The following NRXN3 variants were observed in gnomAD, a reference collection of about 807,000 sequenced individuals.
The protein encoded by NRXN3 is neurexin III.
In NRXN3, 32 loss-of-function variants were observed where a neutral mutation model predicts 137.6. The observed-to-expected ratio is 0.23, with a 90% CI of 0.18 to 0.31. NRXN3 has a LOEUF of 0.31. Among genes scored for constraint, NRXN3 ranks in the 10% least tolerant of loss-of-function variants. The probability of loss-of-function intolerance (pLI) is 1.00; values close to 1 mark genes in which losing one functional copy is unlikely to be tolerated. For missense variants in NRXN3, 1,574 were observed against 2,062.5 expected (o/e 0.76, Z 4.59); for synonymous variants, 798 against 784.5 (o/e 1.02, Z -0.29).
intron 4 of NRXN3, among the ~76,000 whole-genome samples, chr14:78,457,910 G>T (rs969477855): frequency 6.6e-6 from 1 of 152,140 alleles, no homozygotes; most frequent in Non-Finnish European, 1.5e-5. Context: ...GATGTGGTAA[G>T]GGCCAGATGG....
chr14:78,848,565 A>T (rs2099034094), intron 10 of NRXN3, among the ~76,000 whole-genome samples: 1 of 152,126 alleles, frequency 6.6e-6, no homozygotes, highest in African/African-American at 2.4e-5. Flanking sequence ...TTGTACATGA[A>T]GTTATCGATG....
chr14:79,479,417 A>C (rs2096587399), intron 16 of NRXN3, among the ~76,000 whole-genome samples: 2 of 152,120 alleles, frequency 1.3e-5, no homozygotes, highest in South Asian at 4.1e-4. Context: ...CATTTGTTAA[A>C]GGTGTTAAGG....
chr14:78,383,317 A>T (rs376920035), intron 4 of NRXN3, among the ~76,000 whole-genome samples: 2 of 152,256 alleles, frequency 1.3e-5, no homozygotes, highest in African/African-American at 4.8e-5. Context: ...GGTGAACATG[A>T]GTAATGGGAA....
intron 1 of NRXN3, among the ~76,000 whole-genome samples, chr14:78,201,854 T>G (rs1166243796): frequency 6.6e-6 from 1 of 152,164 alleles, no homozygotes; most frequent in African/African-American, 2.4e-5. Context: ...TCTTCTCCGA[T>G]GACGCGCGTC....
chr14:78,600,005 G>A (rs1042797021), intron 4 of NRXN3, among the ~76,000 whole-genome samples: 1 of 152,150 alleles, frequency 6.6e-6, no homozygotes, highest in Admixed American at 6.5e-5. Context: ...GCTCACAGTT[G>A]GCAGAAGCAC....
rs534669695 is a variant in NRXN3 at position 78,363,836 on chromosome 14, G to A, written c.757+65976G>A. On this transcript the variant is annotated intron_variant, in intron 4 of 20. Transcript: ENST00000335750. ...CTAAGCTGCCCTCATGATTTTCCTG[G>A]AGGATAAAATGCTCATCAGATAAAA... Among the ~76,000 whole-genome samples the A allele has an allele frequency of 2.0e-5, 3 of 152,292 alleles. No homozygotes were observed. In the South Asian group the frequency reaches 6.2e-4, roughly 32 times the overall value.
intron 4 of NRXN3, among the ~76,000 whole-genome samples, chr14:78,555,285 G>A (rs1021878728): frequency 6.6e-6 from 1 of 152,038 alleles, no homozygotes; most frequent in Non-Finnish European, 1.5e-5. Flanking sequence ...TTCATACATT[G>A]GGTAGTACAG....
intron 3 of NRXN3, among the ~76,000 whole-genome samples, chr14:78,281,420 A>T (rs1328687659): frequency 6.6e-6 from 1 of 152,184 alleles, no homozygotes; most frequent in Admixed American, 6.5e-5. Flanking sequence ...TTAATTTTAC[A>T]TGTGGAGGAG....
chr14:79,009,041 A>G lies in NRXN3; in HGVS notation c.3262+20900A>G, dbSNP rs184392407. Among the ~76,000 whole-genome samples, 30 of 152,254 alleles carry G rather than the reference A, an allele frequency of 2.0e-4. No individual in the cohort carries two copies. In the East Asian group the frequency reaches 5.8e-3, roughly 29 times the overall value. ...AGAGATTTGAGGACCTAACCGTGAG[A>G]TAGTCCTGCCCTGTTCAGGTCTCCC... is the stretch of plus-strand genomic sequence containing the variant. On this transcript the variant is annotated intron_variant, in intron 15 of 20. Coordinates refer to ENST00000335750, the MANE Select transcript of NRXN3 (RefSeq NM_001330195.2).
At chr14:79,366,191 CATA>C (rs2093886981) in intron 15 of NRXN3, among the ~76,000 whole-genome samples, 1 of 151,832 alleles carries the variant, frequency 6.6e-6, no homozygotes, top group Admixed American at 6.6e-5. Context: ...ATTATGGGTA[CATA>C]ATAAGTATAT....
intron 20 of NRXN3, among the ~76,000 whole-genome samples, chr14:79,842,378 C>G (rs1387068684): frequency 6.6e-6 from 1 of 152,090 alleles, no homozygotes; most frequent in African/African-American, 2.4e-5. Flanking sequence ...ACGAGAAAGA[C>G]CTAGCCAAGC....
At chr14:79,267,998 T>G (rs891614315) in intron 15 of NRXN3, among the ~76,000 whole-genome samples, 2 of 152,226 alleles carry the variant, frequency 1.3e-5, no homozygotes, top group African/African-American at 4.8e-5. Context: ...GCCATTTAAA[T>G]TAGGTATAGC....
chr14:79,741,691 G>A (rs1329328828), intron 19 of NRXN3, among the ~76,000 whole-genome samples: 1 of 151,706 alleles, frequency 6.6e-6, no homozygotes. Context: ...TTGCTATGTT[G>A]GCCAGGCTGG....
intron 15 of NRXN3, among the ~76,000 whole-genome samples, chr14:79,074,268 T>G (rs1368338309): frequency 1.3e-5 from 2 of 152,236 alleles, no homozygotes; most frequent in Non-Finnish European, 2.9e-5. Flanking sequence ...TTGCCCAATG[T>G]ATTTCAAAGG....
chr14:79,585,801 C>G (rs2153816035), intron 16 of NRXN3, among the ~76,000 whole-genome samples: 1 of 150,282 alleles, frequency 6.7e-6, no homozygotes, highest in South Asian at 2.1e-4. Flanking sequence ...CACTTGATAA[C>G]ACAACCTGGA....
chr14:79,298,144 G>A (rs1043507816), intron 15 of NRXN3, among the ~76,000 whole-genome samples: 10 of 151,528 alleles, frequency 6.6e-5, no homozygotes, highest in South Asian at 2.1e-4. Flanking sequence ...TTTGTATTAC[G>A]CATAACAAAT....
At chr14:79,757,355 A>G (rs183395492) in intron 19 of NRXN3, among the ~76,000 whole-genome samples, 2 of 152,320 alleles carry the variant, frequency 1.3e-5, no homozygotes, top group East Asian at 1.9e-4. Context: ...TGGTACTGTT[A>G]TCATCGTCCT....
intron 15 of NRXN3, among the ~76,000 whole-genome samples, chr14:79,147,303 T>C (rs2059390487): frequency 6.6e-6 from 1 of 152,176 alleles, no homozygotes; most frequent in South Asian, 2.1e-4. Context: ...GTAATTTCTA[T>C]GTAAATTTTC....
intron 4 of NRXN3, among the ~76,000 whole-genome samples, chr14:78,603,421 A>C (rs911009567): frequency 3.3e-5 from 5 of 152,148 alleles, no homozygotes; most frequent in African/African-American, 1.2e-4. Context: ...CTGAGGGATA[A>C]ATTCCCTTTG....
Sources: allele counts gnomAD v4.1 joint callset (sites outside exome capture counted in the v4.1 genomes callset), GRCh38; gene constraint gnomAD v4.1.1; transcripts MANE v1.5; gene names NCBI Gene and HGNC (gene_info 2026-07-23, HGNC 2026-07-21).